The following FAM50B variants were observed in gnomAD, a reference collection of about 807,000 sequenced individuals.
The protein encoded by FAM50B is protein FAM50B.
FAM50B carries 9 observed loss-of-function variants against 25.4 expected under a neutral mutation model. That is an observed-to-expected ratio of 0.35 (90% confidence interval 0.21 to 0.62). The LOEUF (loss-of-function observed/expected upper bound fraction) is 0.62, where lower values mean the gene tolerates loss of function less well. FAM50B is among the 20% of genes least tolerant of loss of function. FAM50B has a pLI of 0.73. For missense variants in FAM50B, 372 were observed against 477.9 expected (o/e 0.78, Z 2.07); for synonymous variants, 212 against 204.3 (o/e 1.04, Z -0.32).
chr6:3,846,068 C>A (rs1489580029), upstream of FAM50B, among the ~76,000 whole-genome samples: 1 of 152,102 alleles, frequency 6.6e-6, no homozygotes, highest in Non-Finnish European at 1.5e-5. Flanking sequence ...TGGGTGAATG[C>A]TGCAGGGGTC....
At chr6:3,844,827 A>G (rs1413256178), upstream of FAM50B, among the ~76,000 whole-genome samples, 2 of 152,242 alleles carry the variant, frequency 1.3e-5, no homozygotes, top group Non-Finnish European at 2.9e-5. Context: ...AAATATTGGA[A>G]GGGAACTTGC....
At chr6:3,843,162 T>G in the FAM50B span, among the ~76,000 whole-genome samples, 4 of 152,194 alleles carry the variant, frequency 2.6e-5, no homozygotes, top group Non-Finnish European at 5.9e-5. Flanking sequence ...ATCTATCATA[T>G]GAAAAATTAA....
chr6:3,834,325 A>C, the FAM50B span, among the ~76,000 whole-genome samples: 4 of 151,034 alleles, frequency 2.6e-5, no homozygotes, highest in African/African-American at 9.7e-5. Flanking sequence ...TAAAAATTAA[A>C]ATACAAAAAT....
chr6:3,850,112 C>A lies in FAM50B; in HGVS notation c.301C>A (p.Gln101Lys). Residue 101 changes from glutamine (Q) to lysine (K), a missense_variant, in exon 2 of 2, where the codon CAG (glutamine) becomes AAG (lysine). Physicochemically the swap from Gln to Lys is moderately conservative, Grantham distance 53 (BLOSUM62 1). Transcript: ENST00000648326. ...GCACCTGGAGGAGCAGCGGCTGCAG[C>A]AGGAGCGGCAGCGGGAGCAGGAGCA... ...RQHLEEQRLQQERQREQEQRR... is the reference protein window; with the variant it reads ...RQHLEEQRLQKERQREQEQRR... The A allele has an allele frequency of 6.2e-7, 1 of 1,609,658 alleles. No homozygotes were observed. Among genetic ancestry groups the A allele is most frequent in the Non-Finnish European group, 8.5e-7 (1 of 1,178,598 alleles).
At chr6:3,842,262 C>A in the FAM50B span, among the ~76,000 whole-genome samples, 1 of 152,194 alleles carries the variant, frequency 6.6e-6, no homozygotes, top group Admixed American at 6.5e-5. Context: ...TTTTAAATTG[C>A]CTCCATGGGC....
At chr6:3,836,360 A>C in the FAM50B span, among the ~76,000 whole-genome samples, 3 of 152,238 alleles carry the variant, frequency 2.0e-5, no homozygotes, top group South Asian at 6.2e-4. Context: ...AACCCTGTGA[A>C]TATGGTAGCT....
At chr6:3,842,763 T>G in the FAM50B span, among the ~76,000 whole-genome samples, 1 of 152,224 alleles carries the variant, frequency 6.6e-6, no homozygotes, top group Non-Finnish European at 1.5e-5. Context: ...ATAATTTTAT[T>G]TTTGAGAAAA....
rs778167500 is a variant in FAM50B, at chr6:3,850,204, C to T, written c.393C>T (p.Ala131=). The T allele has an allele frequency of 6.2e-6, 10 of 1,613,218 alleles. No individual in the cohort carries two copies. Among genetic ancestry groups the T allele is most frequent in the African/African-American group, 2.7e-5 (2 of 74,928 alleles). The change falls in exon 2 of 2, where the codon GCC becomes GCT. Residue 131 remains alanine, a synonymous_variant. Coordinates refer to ENST00000648326, the MANE Select transcript of FAM50B (RefSeq NM_012135.3). ...SFALDDLDDQ[A]DAAEARRAGN... ...CACTAGACGACCTCGATGACCAGGC[C>T]GACGCGGCCGAGGCCAGGCGCGCCG...
the FAM50B span, among the ~76,000 whole-genome samples, chr6:3,838,068 G>A: frequency 6.6e-6 from 1 of 152,208 alleles, no homozygotes; most frequent in Admixed American, 6.5e-5. Context: ...TACAGTCCCT[G>A]TAGAAAACAG....
At position 3,850,582 on chromosome 6, in the gene FAM50B, G is replaced by T. The variant is rs1296435852; in HGVS notation, c.771G>T (p.Arg257Ser). 1.2e-6 allele frequency: 2 copies of T among 1,614,090 alleles called. No individual in the cohort carries two copies. The highest frequency in any genetic ancestry group is 1.7e-6 in the Non-Finnish European group (2 of 1,180,034). ...CCTTCTACGACTTCATCATCGCCAG[G>T]GCGAGGGGCAAGAGCGGGCCGCTCT... ...YHTFYDFIIA[R>S]ARGKSGPLFS... The change falls in exon 2 of 2, where the codon AGG becomes AGT. Residue 257 changes from arginine (R) to serine (S), a missense_variant. Coordinates refer to ENST00000648326, the MANE Select transcript of FAM50B (RefSeq NM_012135.3).
chr6:3,842,178 C>A, the FAM50B span, among the ~76,000 whole-genome samples: 28 of 152,234 alleles, frequency 1.8e-4, no homozygotes, highest in African/African-American at 6.8e-4. Flanking sequence ...AGATACCAAT[C>A]ATCTTTGCTA....
rs1762217834 is a variant in FAM50B, at chr6:3,851,164, A to T, written c.*375A>T. The T allele has an allele frequency of 4.1e-6, 1 of 245,518 alleles. No homozygotes were observed. The allele number at this position is 245,518 out of a possible 1,614,324, so 15.2% of individuals were successfully genotyped here. ...CGACACAGCCTCCTCCTTGCTGTGTAGTTTTGGGTAAGCTTATTAAACCCC... is the reference window on the plus strand; with the variant it reads ...CGACACAGCCTCCTCCTTGCTGTGTTGTTTTGGGTAAGCTTATTAAACCCC... On this transcript the variant is annotated 3_prime_UTR_variant, in exon 2 of 2. Coordinates refer to ENST00000648326, the MANE Select transcript of FAM50B (RefSeq NM_012135.3).
chr6:3,833,844 T>G, the FAM50B span: 1 of 152,220 alleles, frequency 6.6e-6, no homozygotes, highest in African/African-American at 2.4e-5. Context: ...CCATGTGGCC[T>G]CTGATCTTTT....
upstream of FAM50B, among the ~76,000 whole-genome samples, chr6:3,848,373 T>G (rs767624927): frequency 2.6e-5 from 4 of 152,226 alleles, no homozygotes; most frequent in Non-Finnish European, 5.9e-5. Flanking sequence ...TGAAAGGCTC[T>G]TCTGTAATTG....
chr6:3,850,678 G>T lies in FAM50B; in HGVS notation c.867G>T (p.Ala289=), dbSNP rs763956101. The T allele has an allele frequency of 2.5e-6, 4 of 1,613,990 alleles. No individual in the cohort carries two copies. Among genetic ancestry groups the T allele is most frequent in the Non-Finnish European group, 3.4e-6 (4 of 1,180,032 alleles). ...CCATGGAGAAGGACGAGTCGCACGC[G>T]GGCAAGGTGGTGCTGCGCAGCTGGT... ...DATMEKDESH[A]GKVVLRSWYE... is the part of the protein sequence containing the mutation. The change falls in exon 2 of 2, where the codon GCG becomes GCT. Residue 289 remains alanine, a synonymous_variant. Transcript: ENST00000648326.
chr6:3,834,655 C>T, the FAM50B span, among the ~76,000 whole-genome samples: 1 of 151,954 alleles, frequency 6.6e-6, no homozygotes, highest in African/African-American at 2.4e-5. Context: ...AATTATCTCA[C>T]AGAGATGCAT....
At chr6:3,841,605 C>T in the FAM50B span, among the ~76,000 whole-genome samples, 75 of 152,306 alleles carry the variant, frequency 4.9e-4, no homozygotes, top group South Asian at 7.0e-3. Flanking sequence ...AGATAACAGC[C>T]AGCACCTCTC....
chr6:3,842,878 C>A, the FAM50B span, among the ~76,000 whole-genome samples: 2 of 152,204 alleles, frequency 1.3e-5, no homozygotes. Context: ...AATATTTTAT[C>A]TGCAGGGATT....
the FAM50B span, among the ~76,000 whole-genome samples, chr6:3,838,861 C>A: frequency 0.11 from 13,103 of 117,426 alleles, 1,099 homozygotes; most frequent in South Asian, 0.23. Context: ...AAAAAAAAAA[C>A]ACACACACAA....
Sources: gnomAD v4.1 joint callset for allele counts (sites outside exome capture counted in the v4.1 genomes callset) on GRCh38, gnomAD v4.1.1 for gene constraint, MANE v1.5 for transcripts, NCBI Gene and HGNC (gene_info 2026-07-23, HGNC 2026-07-21) for gene names.